Variants in FLRT2 observed in about 807,000 individuals in gnomAD.
FLRT2 encodes the protein fibronectin leucine rich transmembrane protein 2, also known as leucine-rich repeat transmembrane protein FLRT2.
A neutral mutation model predicts 40.0 loss-of-function variants in FLRT2; 15 were observed. That is an observed-to-expected ratio of 0.38 (90% CI 0.25 to 0.58). The LOEUF is 0.58. FLRT2 is among the 20% of genes least tolerant of loss of function. FLRT2 has a pLI of 0.71. For synonymous variants in FLRT2, 380 were observed against 336.8 expected, an observed-to-expected ratio of 1.13 and a Z score of -1.41; for missense variants, 726 against 840.0, an observed-to-expected ratio of 0.86 and a Z score of 1.68.
chr14:85,535,654 G>C (rs1447616849), intron 1 of FLRT2, among the ~76,000 whole-genome samples: 2 of 151,688 alleles, frequency 1.3e-5, no homozygotes, highest in Non-Finnish European at 2.9e-5. Context: ...TCCCCTCCTT[G>C]AAAGCCCGAA....
rs1201146034 is a variant in FLRT2 at position 85,642,727 on chromosome 14, C to A, written c.*19230C>A. On this transcript the variant is annotated 3_prime_UTR_variant, in exon 2 of 2. Coordinates refer to ENST00000330753, the MANE Select transcript of FLRT2 (RefSeq NM_013231.6). The stretch of plus-strand genomic sequence containing the variant: ...GCCTGCATGCAATGAGCTTACCCAA[C>A]CAGCTCAGAGTGATTATAATTGTTT... 2 of 152,166 alleles carry A rather than the reference C, an allele frequency of 1.3e-5. No individual in the cohort carries two copies. Among genetic ancestry groups the A allele is most frequent in the East Asian group, 3.9e-4 (2 of 5,192 alleles). The allele number at this position is 152,166 out of a possible 1,614,324, so 9.4% of individuals were successfully genotyped here. A position where few individuals can be genotyped will look rare whatever the true frequency, so the allele number is the denominator to read the frequency against.
rs1368064189 is a variant in FLRT2, at chr14:85,630,166, T to C, written c.*6669T>C. Reference sequence around the variant, plus strand: ...TAAAAATGTGTGCTTTAGGGGATATTATATAAGCTTTATTTTCACTGGCTC... The same window carrying C: ...TAAAAATGTGTGCTTTAGGGGATATCATATAAGCTTTATTTTCACTGGCTC... On this transcript the variant is annotated 3_prime_UTR_variant, in exon 2 of 2. Transcript: ENST00000330753. 2.0e-5 allele frequency: 3 copies of C among 152,132 alleles called. No individual in the cohort carries two copies. The highest frequency in any genetic ancestry group is 7.2e-5 in the African/African-American group (3 of 41,434). 9.4% of individuals were successfully genotyped at this position (152,132 alleles called of 1,614,324 possible).
chr14:85,550,071 T>C (rs1889521510), intron 1 of FLRT2, among the ~76,000 whole-genome samples: 1 of 152,188 alleles, frequency 6.6e-6, no homozygotes, highest in Non-Finnish European at 1.5e-5. Context: ...CAGCCATCTC[T>C]TCACCTCAAA....
intron 1 of FLRT2, among the ~76,000 whole-genome samples, chr14:85,609,774 C>T (rs542706632): frequency 5.9e-5 from 9 of 152,326 alleles, no homozygotes; most frequent in Non-Finnish European, 1.2e-4. Flanking sequence ...GGTCACCTCT[C>T]GTGAGTCACA....
At chr14:85,534,601 A>C (rs1184251606) in intron 1 of FLRT2, among the ~76,000 whole-genome samples, 1 of 151,110 alleles carries the variant, frequency 6.6e-6, no homozygotes, top group Non-Finnish European at 1.5e-5. Context: ...GACTGTCCGT[A>C]TGTGTGTCTG....
At chr14:85,547,505 G>A (rs540672262) in intron 1 of FLRT2, among the ~76,000 whole-genome samples, 24 of 152,014 alleles carry the variant, frequency 1.6e-4, no homozygotes, top group African/African-American at 5.5e-4. Flanking sequence ...TCTATTTTTA[G>A]TAGAGATGGG....
chr14:85,566,782 A>AG (rs1471348448), intron 1 of FLRT2, among the ~76,000 whole-genome samples: 1 of 151,448 alleles, frequency 6.6e-6, no homozygotes, highest in Non-Finnish European at 1.5e-5. Context: ...ATGAAAAAAA[A>AG]AAAAAGAACA....
At position 85,631,643 on chromosome 14, in the gene FLRT2, A is replaced by T. The variant is rs1893876106; in HGVS notation, c.*8146A>T. ...AGTATGCGTTTTACAAGAACAAACA[A>T]ACATATATATTTTCCTTAAAATCTC... is the stretch of plus-strand genomic sequence containing the variant. On this transcript the variant is annotated 3_prime_UTR_variant, in exon 2 of 2. Coordinates refer to ENST00000330753, the MANE Select transcript of FLRT2 (RefSeq NM_013231.6). 1 of 152,178 alleles carries T rather than the reference A, an allele frequency of 6.6e-6. No homozygotes were observed. Among genetic ancestry groups the T allele is most frequent in the African/African-American group, 2.4e-5 (1 of 41,454 alleles). 9.4% of individuals were successfully genotyped at this position (152,178 alleles called of 1,614,324 possible). A position where few individuals can be genotyped will look rare whatever the true frequency, so the allele number is the denominator to read the frequency against.
rs1214340979 is a variant in FLRT2 at position 85,640,459 on chromosome 14, G to C, written c.*16962G>C. 1 of 152,102 alleles carries C rather than the reference G, an allele frequency of 6.6e-6. No homozygotes were observed. Among genetic ancestry groups the C allele is most frequent in the Non-Finnish European group, 1.5e-5 (1 of 68,016 alleles). The allele number at this position is 152,102 out of a possible 1,614,324, so 9.4% of individuals were successfully genotyped here. A position where few individuals can be genotyped will look rare whatever the true frequency, so the allele number is the denominator to read the frequency against. On this transcript the variant is annotated 3_prime_UTR_variant, in exon 2 of 2. Transcript: ENST00000330753. The stretch of plus-strand genomic sequence containing the variant: ...ATACATAGCAAGTATTAAATATCTT[G>C]AGAGGTTTTCTTTAATTGTTTAATT...
chr14:85,621,609 A>G lies in FLRT2; in HGVS notation c.95A>G (p.Lys32Arg). Reference protein sequence around the residue: ...ISLGLYSQVSKLLACPSVCRC... With the variant: ...ISLGLYSQVSRLLACPSVCRC... Reference sequence around the variant, plus strand: ...CTGGGGCTCTACTCACAGGTGTCCAAACTCCTGGCCTGCCCTAGTGTGTGC... The same window carrying G: ...CTGGGGCTCTACTCACAGGTGTCCAGACTCCTGGCCTGCCCTAGTGTGTGC... The change falls in exon 2 of 2, where the codon AAA (lysine) becomes AGA (arginine). Residue 32 changes from lysine (K) to arginine (R), a missense_variant. Lys to Arg is a conservative substitution (Grantham distance 26). Transcript: ENST00000330753. 1.2e-6 allele frequency: 2 copies of G among 1,614,050 alleles called. No homozygotes were observed. Among genetic ancestry groups the G allele is most frequent in the Non-Finnish European group, 1.7e-6 (2 of 1,180,000 alleles).
chr14:85,613,896 G>A (rs1156289595), intron 1 of FLRT2, among the ~76,000 whole-genome samples: 1 of 152,134 alleles, frequency 6.6e-6, no homozygotes, highest in Non-Finnish European at 1.5e-5. Flanking sequence ...ATTACCAAAG[G>A]AAAGAACTAT....
chr14:85,606,690 A>G (rs1221048334), intron 1 of FLRT2, among the ~76,000 whole-genome samples: 2 of 150,880 alleles, frequency 1.3e-5, no homozygotes, highest in East Asian at 2.0e-4. Flanking sequence ...ACGCCCAGCT[A>G]ATTTTTGTAT....
At chr14:85,531,498 T>C (rs1447466091) in intron 1 of FLRT2, among the ~76,000 whole-genome samples, 1 of 151,918 alleles carries the variant, frequency 6.6e-6, no homozygotes, top group Admixed American at 6.6e-5. Context: ...GAGGTCGGGG[T>C]ACTGACAACG....
rs1362418161 is a variant in FLRT2 at position 85,621,545 on chromosome 14, C to A, written c.31C>A (p.His11Asn). Reference sequence around the variant, plus strand: ...CCTACAGACCACAAAGTGGCCCAGCCATGGGGCTTTTTTCCTGAAGTCTTG... The same window carrying A: ...CCTACAGACCACAAAGTGGCCCAGCAATGGGGCTTTTTTCCTGAAGTCTTG... MGLQTTKWPS[H>N]GAFFLKSWLI... is the part of the protein sequence containing the mutation. The change falls in exon 2 of 2, where the codon CAT becomes AAT. Residue 11 changes from histidine to asparagine, a missense_variant. Physicochemically the swap from His to Asn is moderately conservative, Grantham distance 68. Around this residue, in one of 3 missense-constraint regions of FLRT2, gnomAD observed 106 missense variants for 121.2 expected, o/e 0.87. Transcript: ENST00000330753. The A allele has an allele frequency of 6.2e-7, 1 of 1,613,792 alleles. No homozygotes were observed. Among genetic ancestry groups the A allele is most frequent in the Admixed American group, 1.7e-5 (1 of 59,984 alleles).
At chr14:85,568,221 T>A (rs1890721225) in intron 1 of FLRT2, among the ~76,000 whole-genome samples, 2 of 150,642 alleles carry the variant, frequency 1.3e-5, no homozygotes, top group Non-Finnish European at 3.0e-5. Flanking sequence ...TGCGGGGGGA[T>A]GATTGCTGGG....
rs1894495917 is a variant in FLRT2 at position 85,654,152 on chromosome 14, T to TC, written c.*30657dup. ...CTATGCCAAACTTGCTCTGCTGAGT[T>TC]CCTGGTGGAATGAAAAGACTGTCTT... On this transcript the variant is annotated 3_prime_UTR_variant, in exon 2 of 2. Coordinates refer to ENST00000330753, the MANE Select transcript of FLRT2 (RefSeq NM_013231.6). The TC allele has an allele frequency of 6.6e-6, 1 of 151,558 alleles. No individual in the cohort carries two copies. The highest frequency in any genetic ancestry group is 6.6e-5 in the Admixed American group (1 of 15,094). 9.4% of individuals were successfully genotyped at this position (151,558 alleles called of 1,614,324 possible). A position where few individuals can be genotyped will look rare whatever the true frequency, so the allele number is the denominator to read the frequency against.
At position 85,646,528 on chromosome 14, in the gene FLRT2, G is replaced by C. The variant is rs1894309318; in HGVS notation, c.*23031G>C. 6.6e-6 allele frequency: 1 copy of C among 152,194 alleles called. No homozygotes were observed. The highest frequency in any genetic ancestry group is 6.6e-5 in the Admixed American group (1 of 15,264). The allele number at this position is 152,194 out of a possible 1,614,324, so 9.4% of individuals were successfully genotyped here. A position where few individuals can be genotyped will look rare whatever the true frequency, so the allele number is the denominator to read the frequency against. ...TCTTAGAAGAAGGTAAAAGTGGGTA[G>C]AATGGACCATAGTACTTGAATCTTG... On this transcript the variant is annotated 3_prime_UTR_variant, in exon 2 of 2. Transcript: ENST00000330753.
chr14:85,565,255 A>G (rs2139851628), intron 1 of FLRT2, among the ~76,000 whole-genome samples: 1 of 152,196 alleles, frequency 6.6e-6, no homozygotes, highest in South Asian at 2.1e-4. Context: ...TTGTTTTTGC[A>G]TAGGAGTGAT....
At chr14:85,547,125 T>A (rs1313994203) in intron 1 of FLRT2, among the ~76,000 whole-genome samples, 1 of 152,066 alleles carries the variant, frequency 6.6e-6, no homozygotes, top group Non-Finnish European at 1.5e-5. Context: ...AATATTACTC[T>A]CCATTGTTTA....
Sources: gnomAD v4.1 joint callset for allele counts (sites outside exome capture counted in the v4.1 genomes callset) on GRCh38, gnomAD v4.1.1 for gene constraint, gnomAD v4.1.1 regional missense constraint, MANE v1.5 for transcripts, NCBI Gene and HGNC (gene_info 2026-07-23, HGNC 2026-07-21) for gene names.